Variants in ROBO2 observed in about 807,000 individuals in gnomAD.
ROBO2 encodes roundabout guidance receptor 2.
ROBO2 carries 53 observed loss-of-function variants against 160.8 expected under a neutral mutation model. That is an observed-to-expected ratio of 0.33 (90% CI 0.26 to 0.41). ROBO2 has a LOEUF of 0.41. Ranked by LOEUF, ROBO2 falls within the 10% of genes least tolerant of loss-of-function variation. The pLI is 1.00. For synonymous variants in ROBO2, 664 were observed against 611.7 expected, an observed-to-expected ratio of 1.09 and a Z score of -1.26; for missense variants, 1,577 against 1,722.4, an observed-to-expected ratio of 0.92 and a Z score of 1.49.
intron 2 of ROBO2, among the ~76,000 whole-genome samples, chr3:77,246,023 T>C (rs2089679611): frequency 6.6e-6 from 1 of 152,204 alleles, no homozygotes; most frequent in African/African-American, 2.4e-5. Flanking sequence ...GTAGTGACTA[T>C]CAGGAAGTAG....
intron 11 of ROBO2, chr3:77,564,375 T>C (rs2093420902): frequency 2.3e-6 from 1 of 443,834 alleles, no homozygotes; most frequent in Non-Finnish European, 4.5e-6. Context: ...ATCACAATAC[T>C]GTATAATGTA....
At chr3:76,999,117 T>C (rs1578156245) in intron 2 of ROBO2, among the ~76,000 whole-genome samples, 1 of 152,168 alleles carries the variant, frequency 6.6e-6, no homozygotes, top group East Asian at 1.9e-4. Flanking sequence ...GCTTACAGAA[T>C]ACATTTTCAA....
chr3:76,943,306 G>C (rs1308227116), intron 2 of ROBO2, among the ~76,000 whole-genome samples: 1 of 152,042 alleles, frequency 6.6e-6, no homozygotes, highest in Admixed American at 6.6e-5. Flanking sequence ...CATACCACTC[G>C]TTGCTATCTG....
intron 2 of ROBO2, among the ~76,000 whole-genome samples, chr3:76,971,615 G>T (rs2059577199): frequency 6.6e-6 from 1 of 152,150 alleles, no homozygotes; most frequent in Admixed American, 6.6e-5. Flanking sequence ...GTGGTCAAAA[G>T]AGTGTTTCAT....
Position 76,009,664 on chromosome 3 carries a change from G to T in ROBO2, c.109+72062G>T, listed in dbSNP as rs560388082. Among the ~76,000 whole-genome samples the T allele has an allele frequency of 3.9e-5, 6 of 152,242 alleles. No individual in the cohort carries two copies. The East Asian group carries it at 1.2e-3, about 29-fold the overall frequency. On this transcript the variant is annotated intron_variant, in intron 2 of 26. Transcript: ENST00000487694. ...TACATTTTTCTAATTCCTATTTATG[G>T]TTAATATTTGAAGAAACATTCCCTC...
At chr3:76,037,310 T>A (rs2067142372) in intron 2 of ROBO2, among the ~76,000 whole-genome samples, 1 of 149,696 alleles carries the variant, frequency 6.7e-6, no homozygotes, top group African/African-American at 2.5e-5. Context: ...CAGGCTGGAG[T>A]GCAGTGGCGC....
chr3:76,141,167 A>C (rs1486882182), intron 2 of ROBO2, among the ~76,000 whole-genome samples: 52 of 94,002 alleles, frequency 5.5e-4, no homozygotes, highest in African/African-American at 7.6e-4. Context: ...CTCTATATAT[A>C]TATATATATA....
intron 2 of ROBO2, among the ~76,000 whole-genome samples, chr3:77,462,485 T>C (rs2082344686): frequency 6.6e-6 from 1 of 152,226 alleles, no homozygotes; most frequent in Non-Finnish European, 1.5e-5. Flanking sequence ...ACATTTACAT[T>C]TCAAAGCACC....
chr3:76,764,214 C>T (rs777339140), intron 2 of ROBO2, among the ~76,000 whole-genome samples: 1 of 151,476 alleles, frequency 6.6e-6, no homozygotes, highest in Admixed American at 6.6e-5. Flanking sequence ...AAATACTGAA[C>T]GACTGAAACA....
chr3:76,712,410 C>T (rs1232837373), intron 2 of ROBO2, among the ~76,000 whole-genome samples: 6 of 152,082 alleles, frequency 3.9e-5, no homozygotes, highest in East Asian at 3.9e-4. Context: ...CATGGTGGCT[C>T]ACACCTGTAA....
intron 2 of ROBO2, among the ~76,000 whole-genome samples, chr3:76,647,202 C>T (rs572685140): frequency 2.0e-5 from 3 of 152,222 alleles, no homozygotes; most frequent in Admixed American, 1.3e-4. Flanking sequence ...GCTAGTGTCT[C>T]TGAGGGGGGC....
chr3:77,259,728 T>C (rs887114732), intron 2 of ROBO2, among the ~76,000 whole-genome samples: 3 of 152,190 alleles, frequency 2.0e-5, no homozygotes, highest in Non-Finnish European at 4.4e-5. Flanking sequence ...AAATTACATG[T>C]CGTTTTACAA....
At chr3:77,424,968 T>A (rs966253755) in intron 2 of ROBO2, among the ~76,000 whole-genome samples, 2 of 152,120 alleles carry the variant, frequency 1.3e-5, no homozygotes, top group African/African-American at 4.8e-5. Flanking sequence ...CCCTTCCCGA[T>A]TAATGTGAAT....
chr3:76,526,251 T>C (rs1422090016), intron 2 of ROBO2, among the ~76,000 whole-genome samples: 2 of 152,042 alleles, frequency 1.3e-5, no homozygotes, highest in African/African-American at 4.8e-5. Context: ...GACTTACAGT[T>C]CTCATGCACA....
At chr3:75,952,524 G>A (rs1255232862) in intron 2 of ROBO2, among the ~76,000 whole-genome samples, 1 of 151,870 alleles carries the variant, frequency 6.6e-6, no homozygotes, top group East Asian at 1.9e-4. Context: ...AGAAAGAAGT[G>A]AATAAGCATT....
At chr3:76,257,182 G>A (rs770841301) in intron 2 of ROBO2, among the ~76,000 whole-genome samples, 5 of 152,092 alleles carry the variant, frequency 3.3e-5, no homozygotes, top group Non-Finnish European at 5.9e-5. Flanking sequence ...ATGAGACTTG[G>A]CCAGAATATA....
chr3:77,289,178 A>C (rs1221998898), intron 2 of ROBO2, among the ~76,000 whole-genome samples: 2 of 152,160 alleles, frequency 1.3e-5, no homozygotes, highest in Non-Finnish European at 2.9e-5. Context: ...ATTAGCACTG[A>C]TGTGAGGGGA....
upstream of ROBO2, among the ~76,000 whole-genome samples, chr3:77,039,540 G>A (rs943575172): frequency 6.6e-6 from 1 of 152,158 alleles, no homozygotes; most frequent in South Asian, 2.1e-4. Flanking sequence ...TCCCGAGGCG[G>A]GAAGGAGTGG....
intron 2 of ROBO2, among the ~76,000 whole-genome samples, chr3:76,186,405 T>G (rs1701765779): frequency 6.6e-6 from 1 of 152,118 alleles, no homozygotes; most frequent in African/African-American, 2.4e-5. Flanking sequence ...TAGTGATCAG[T>G]TCTCGTACTT....
Sources: allele counts gnomAD v4.1 joint callset (sites outside exome capture counted in the v4.1 genomes callset), GRCh38; gene constraint gnomAD v4.1.1; transcripts MANE v1.5; gene names NCBI Gene and HGNC (gene_info 2026-07-23, HGNC 2026-07-21).